Variants in LRTM2 observed in about 807,000 individuals in gnomAD.
LRTM2 encodes leucine-rich repeat and transmembrane domain-containing protein 2.
Under a neutral mutation model 28.1 loss-of-function variants are expected in LRTM2, and 18 were observed. The observed-to-expected ratio is 0.64, with a 90% CI of 0.44 to 0.95. The LOEUF is 0.95. Ranked by LOEUF, LRTM2 falls within the 40% of genes least tolerant of loss-of-function variation. The probability of loss-of-function intolerance (pLI) is 0.00; values close to 1 mark genes in which losing one functional copy is unlikely to be tolerated. For missense variants in LRTM2, 436 were observed against 497.2 expected (o/e 0.88, Z 1.17); for synonymous variants, 250 against 218.7 (o/e 1.14, Z -1.26).
rs1864456079 is a variant in LRTM2, at chr12:1,828,383, A to G, written c.67+168A>G. Among the ~76,000 whole-genome samples, 1 of 152,184 alleles carries G rather than the reference A, an allele frequency of 6.6e-6. No homozygotes were observed. Among genetic ancestry groups the G allele is most frequent in the Admixed American group, 6.5e-5 (1 of 15,292 alleles). ...GTTCTGGGAAGCCAGGGTCACGCCC[A>G]CGGTGACAGCATCCCTGCCAGTCAG... is the stretch of plus-strand genomic sequence containing the variant. On this transcript the variant is annotated intron_variant, in intron 3 of 4. Transcript: ENST00000299194. The surrounding 1 kb of genome is among the most constrained non-coding windows in gnomAD (Gnocchi z 4.2).
rs998161657 is a variant in LRTM2 at position 1,836,031 on chromosome 12, C to A, written c.*1310C>A. 6.6e-6 allele frequency: 1 copy of A among 152,242 alleles called. No homozygotes were observed. The highest frequency in any genetic ancestry group is 1.5e-5 in the Non-Finnish European group (1 of 68,086). 9.4% of individuals were successfully genotyped at this position (152,242 alleles called of 1,614,324 possible). A position where few individuals can be genotyped will look rare whatever the true frequency, so the allele number is the denominator to read the frequency against. Reference sequence around the variant, plus strand: ...CCTGCCAGCTTATTGCAGACAGAGCCCAGGAGCAGGAGCGGGTGGCCACGT... The same window carrying A: ...CCTGCCAGCTTATTGCAGACAGAGCACAGGAGCAGGAGCGGGTGGCCACGT... On this transcript the variant is annotated 3_prime_UTR_variant, in exon 5 of 5. Coordinates refer to ENST00000299194, the MANE Select transcript of LRTM2 (RefSeq NM_001039029.3).
rs190652517 is a variant in LRTM2 at position 1,829,367 on chromosome 12, G to A, written c.67+1152G>A. Among the ~76,000 whole-genome samples, 66 of 152,300 alleles carry A rather than the reference G, an allele frequency of 4.3e-4. No homozygotes were observed. In the East Asian group the frequency reaches 0.011, roughly 25 times the overall value. ...TTGGGGTGGTGGTATGGGGCTGGCTGATCTGGTAGCAGACGGGCTCAGAGG... is the reference window on the plus strand; with the variant it reads ...TTGGGGTGGTGGTATGGGGCTGGCTAATCTGGTAGCAGACGGGCTCAGAGG... On this transcript the variant is annotated intron_variant, in intron 3 of 4. Transcript: ENST00000299194. This position sits in a 1 kb window ranked among gnomAD's most constrained non-coding sequence, Gnocchi z 4.2.
In LRTM2 at chr12:1,834,634, C is replaced by T; in HGVS notation, c.1026C>T (p.Tyr342=). 1 of 1,600,422 alleles carries T rather than the reference C, an allele frequency of 6.2e-7. No individual in the cohort carries two copies. The highest frequency in any genetic ancestry group is 8.5e-7 in the Non-Finnish European group (1 of 1,179,874). The part of the protein sequence containing the change: ...GCIYASLMAK[Y]HRELKKRQPL... ...TCTACGCCTCCCTCATGGCCAAGTACCACCGGGAGCTCAAAAAGCGCCAGC... is the reference window on the plus strand; with the variant it reads ...TCTACGCCTCCCTCATGGCCAAGTATCACCGGGAGCTCAAAAAGCGCCAGC... The change falls in exon 5 of 5, where the codon TAC becomes TAT. Residue 342 remains tyrosine (Y), a synonymous_variant. Transcript: ENST00000299194. The surrounding 1 kb of genome is among the most constrained non-coding windows in gnomAD (Gnocchi z 7.6).
At position 1,828,693 on chromosome 12, in the gene LRTM2, C is replaced by T. The variant is rs1206014553; in HGVS notation, c.67+478C>T. ...GAGATGTCTCTTATGCTCCTTATGC[C>T]TCCGCTTTCCCAACTCTCGGTAGAG... is the stretch of plus-strand genomic sequence containing the variant. On this transcript the variant is annotated intron_variant, in intron 3 of 4. Transcript: ENST00000299194. This position sits in a 1 kb window ranked among gnomAD's most constrained non-coding sequence, Gnocchi z 4.2. Among the ~76,000 whole-genome samples, 1 of 152,196 alleles carries T rather than the reference C, an allele frequency of 6.6e-6. No homozygotes were observed.
rs759325106 is a variant in LRTM2 at position 1,831,252 on chromosome 12, A to G, written c.385A>G (p.Arg129Gly). Residue 129 changes from arginine (R) to glycine (G), a missense_variant, in exon 4 of 5, where the codon AGG (arginine) becomes GGG (glycine). By Grantham distance (125) the Arg-to-Gly change is moderately radical (BLOSUM62 -2). Transcript: ENST00000299194. ...TELQLRNNSI[R>G]TLDRDLLRHS... The stretch of plus-strand genomic sequence containing the variant: ...GCTTCAGCTGCGCAATAACAGCATC[A>G]GGACCCTGGACAGGGACCTGCTGCG... 2.0e-5 allele frequency: 32 copies of G among 1,613,674 alleles called. No homozygotes were observed. The Admixed American group carries it at 5.0e-4, about 25-fold the overall frequency.
In LRTM2 at chr12:1,835,737, T is replaced by C. The variant is rs1377875671; in HGVS notation, c.*1016T>C. The C allele has an allele frequency of 6.6e-6, 1 of 152,620 alleles. No homozygotes were observed. The highest frequency in any genetic ancestry group is 1.5e-5 in the Non-Finnish European group (1 of 68,100). 9.5% of individuals were successfully genotyped at this position (152,620 alleles called of 1,614,324 possible). On this transcript the variant is annotated 3_prime_UTR_variant, in exon 5 of 5. Transcript: ENST00000299194. The stretch of plus-strand genomic sequence containing the variant: ...GGCCTGGAGCGGCTGCATGTGTGCA[T>C]GGCGGCCTCCTGAGGACCCAGCCAC...
chr12:1,834,866 G>C lies in LRTM2; in HGVS notation c.*145G>C, dbSNP rs1358600857. 7.1e-6 allele frequency: 10 copies of C among 1,411,468 alleles called. No homozygotes were observed. The Admixed American group carries it at 2.3e-4, about 32-fold the overall frequency. 87.4% of individuals were successfully genotyped at this position (1,411,468 alleles called of 1,614,324 possible). ...CCCTCCAGCAGACAAGCCACACCGG[G>C]TTCTCTCCCTGCACTTTCGAGGCTC... On this transcript the variant is annotated 3_prime_UTR_variant, in exon 5 of 5. Transcript: ENST00000299194. This position sits in a 1 kb window ranked among gnomAD's most constrained non-coding sequence, Gnocchi z 7.6.
chr12:1,822,139 G>C (rs1340581472), intron 1 of LRTM2: 1 of 152,216 alleles, frequency 6.6e-6, no homozygotes, highest in African/African-American at 2.4e-5. Context: ...CCCGCGGGGA[G>C]GGGTAAGGAG....
Position 1,828,194 on chromosome 12 carries a change from CT to C in LRTM2, c.47del (p.Leu16ArgfsTer61). The C allele has an allele frequency of 6.5e-7, 1 of 1,547,172 alleles. No homozygotes were observed. Among genetic ancestry groups the C allele is most frequent in the Non-Finnish European group, 8.7e-7 (1 of 1,145,438 alleles). On this transcript the variant is annotated frameshift_variant, in exon 3 of 5. Transcript: ENST00000299194. LOFTEE classifies it high-confidence loss of function. This position sits in a 1 kb window ranked among gnomAD's most constrained non-coding sequence, Gnocchi z 4.2. ...SSPGQRGRLA[L>X]QWRQVSWITC... ...CCCTGGGCAGAGGGGCAGGCTCGCC[CT>C]GCAGTGGAGGCAAGTCTCCTGTGAG...
Position 1,829,912 on chromosome 12 carries a change from G to A in LRTM2, c.68-1023G>A, listed in dbSNP as rs902694277. The stretch of plus-strand genomic sequence containing the variant: ...AGCAGGCTTCTCTGCTACTCAGGAG[G>A]ACACTTAGGGGTTTTTGAGGCCACT... On this transcript the variant is annotated intron_variant, in intron 3 of 4. Coordinates refer to ENST00000299194, the MANE Select transcript of LRTM2 (RefSeq NM_001039029.3). This position sits in a 1 kb window ranked among gnomAD's most constrained non-coding sequence, Gnocchi z 4.2. 1.3e-5 allele frequency among the ~76,000 whole-genome samples: 2 copies of A among 152,110 alleles called. No individual in the cohort carries two copies. Among genetic ancestry groups the A allele is most frequent in the African/African-American group, 4.8e-5 (2 of 41,416 alleles).
At chr12:1,826,421 A>G (rs1428899658) in intron 1 of LRTM2, among the ~76,000 whole-genome samples, 2 of 32,720 alleles carry the variant, frequency 6.1e-5, no homozygotes, top group Non-Finnish European at 1.5e-4. Flanking sequence ...CCCCCCGCCA[A>G]CTGGCACCAG....
rs1400954332 is a variant in LRTM2 at position 1,834,768 on chromosome 12, G to A, written c.*47G>A. On this transcript the variant is annotated 3_prime_UTR_variant, in exon 5 of 5. Transcript: ENST00000299194. The surrounding 1 kb of genome is among the most constrained non-coding windows in gnomAD (Gnocchi z 7.6). ...GGTAGGAAGGGCGGGGAGAGCACAC[G>A]GCATTGCTCAGCCACAGCTCCCACC... The A allele has an allele frequency of 1.8e-5, 28 of 1,531,082 alleles. No individual in the cohort carries two copies. The highest frequency in any genetic ancestry group is 1.9e-4 in the Middle Eastern group (1 of 5,282). The allele number at this position is 1,531,082 out of a possible 1,614,324, so 94.8% of individuals were successfully genotyped here.
Position 1,828,269 on chromosome 12 carries a change from G to A in LRTM2, c.67+54G>A. On this transcript the variant is annotated intron_variant, in intron 3 of 4. Coordinates refer to ENST00000299194, the MANE Select transcript of LRTM2 (RefSeq NM_001039029.3). The surrounding 1 kb of genome is among the most constrained non-coding windows in gnomAD (Gnocchi z 4.2). Reference sequence around the variant, plus strand: ...GTGCGGGTTGGGTGGGGGTGCCGAGGTGACTGTAGGTAGCGCCATATGGGA... The same window carrying A: ...GTGCGGGTTGGGTGGGGGTGCCGAGATGACTGTAGGTAGCGCCATATGGGA... The A allele has an allele frequency of 1.4e-6, 2 of 1,452,174 alleles. No homozygotes were observed. The highest frequency in any genetic ancestry group is 1.9e-6 in the Non-Finnish European group (2 of 1,076,870). 90.0% of individuals were successfully genotyped at this position (1,452,174 alleles called of 1,614,324 possible). A position where few individuals can be genotyped will look rare whatever the true frequency, so the allele number is the denominator to read the frequency against.
At position 1,828,114 on chromosome 12, in the gene LRTM2, A is replaced by T. The variant is rs1239923971; in HGVS notation, c.-35A>T. 3.3e-5 allele frequency: 50 copies of T among 1,502,048 alleles called. No individual in the cohort carries two copies. Among genetic ancestry groups the T allele is most frequent in the Non-Finnish European group, 4.5e-5 (50 of 1,121,812 alleles). 93.0% of individuals were successfully genotyped at this position (1,502,048 alleles called of 1,614,324 possible). A position where few individuals can be genotyped will look rare whatever the true frequency, so the allele number is the denominator to read the frequency against. ...CGCACCCAGGGGCTCCTCTCTCCCCAGAGCGACAGGGCCCGGAGAGCCGTG... is the reference window on the plus strand; with the variant it reads ...CGCACCCAGGGGCTCCTCTCTCCCCTGAGCGACAGGGCCCGGAGAGCCGTG... On this transcript the variant is annotated 5_prime_UTR_variant, in exon 3 of 5. Coordinates refer to ENST00000299194, the MANE Select transcript of LRTM2 (RefSeq NM_001039029.3). The surrounding 1 kb of genome is among the most constrained non-coding windows in gnomAD (Gnocchi z 4.2).
intron 3 of LRTM2, among the ~76,000 whole-genome samples, chr12:1,830,725 A>T (rs533120810): frequency 2.0e-5 from 3 of 152,226 alleles, no homozygotes; most frequent in East Asian, 3.9e-4. Context: ...GGCGCCCTGC[A>T]GACACTGTGT....
In LRTM2 at chr12:1,834,306, A is replaced by T. The variant is rs758974643; in HGVS notation, c.698A>T (p.Glu233Val). The change falls in exon 5 of 5, where the codon GAG (glutamate) becomes GTG (valine). Residue 233 changes from glutamate to valine, a missense_variant. Coordinates refer to ENST00000299194, the MANE Select transcript of LRTM2 (RefSeq NM_001039029.3). This position sits in a 1 kb window ranked among gnomAD's most constrained non-coding sequence, Gnocchi z 7.6. The part of the protein sequence containing the change: ...LDQLACTLPK[E>V]LRGKDMRMVP... The stretch of plus-strand genomic sequence containing the variant: ...CAGCTTGCCTGCACCCTGCCCAAGG[A>T]GCTGAGGGGGAAGGACATGCGGATG... 1.9e-6 allele frequency: 3 copies of T among 1,604,762 alleles called. No individual in the cohort carries two copies. Among genetic ancestry groups the T allele is most frequent in the Non-Finnish European group, 2.6e-6 (3 of 1,174,780 alleles).
chr12:1,831,591 C>CT, intron 4 of LRTM2, 66 bp downstream of exon 4: 1 of 1,353,878 alleles, frequency 7.4e-7, no homozygotes, highest in Non-Finnish European at 1.0e-6. Context: ...CCACACTTTC[C>CT]TCCTGGTGGC....
Position 1,827,561 on chromosome 12 carries a change from C to G in LRTM2, c.-107C>G, listed in dbSNP as rs557250607. 1 of 153,028 alleles carries G rather than the reference C, an allele frequency of 6.5e-6. No homozygotes were observed. The allele number at this position is 153,028 out of a possible 1,614,324, so 9.5% of individuals were successfully genotyped here. ...CTCACACCCTACGCGGCTGCAGCTG[C>G]CAAGGGCCTGGCCCCTGCCTCCCTC... On this transcript the variant is annotated 5_prime_UTR_variant, in exon 2 of 5. Coordinates refer to ENST00000299194, the MANE Select transcript of LRTM2 (RefSeq NM_001039029.3).
chr12:1,826,706 C>T (rs78120341), intron 1 of LRTM2, among the ~76,000 whole-genome samples: 5 of 152,080 alleles, frequency 3.3e-5, no homozygotes, highest in Admixed American at 2.0e-4. Context: ...CTGCCCTTGC[C>T]GGGGGCAGAG....
Sources: gnomAD v4.1 joint callset for allele counts (sites outside exome capture counted in the v4.1 genomes callset) on GRCh38, gnomAD v4.1.1 for gene constraint, Gnocchi (gnomAD v3.1) non-coding constraint, MANE v1.5 for transcripts, NCBI Gene and HGNC (gene_info 2026-07-23, HGNC 2026-07-21) for gene names.